Variants in SLC25A48 observed in about 807,000 individuals in gnomAD.
SLC25A48 encodes the protein CTC-321K16.1.
A neutral mutation model predicts 32.2 loss-of-function variants in SLC25A48; 29 were observed. That is an observed-to-expected ratio of 0.90 (90% CI 0.67 to 1.23). SLC25A48 has a LOEUF of 1.23. SLC25A48 is among the 50% of genes most tolerant of loss of function. SLC25A48 has a pLI of 0.00. For synonymous variants in SLC25A48, 164 were observed against 172.3 expected, an observed-to-expected ratio of 0.95 and a Z score of 0.38; for missense variants, 399 against 422.7, an observed-to-expected ratio of 0.94 and a Z score of 0.49.
intron 3 of SLC25A48, among the ~76,000 whole-genome samples, chr5:135,805,875 A>G (rs1018621084): frequency 4.0e-5 from 6 of 151,384 alleles, no homozygotes; most frequent in Non-Finnish European, 7.4e-5. Flanking sequence ...CTGTGTGTAT[A>G]CCCTGTGATA....
rs146305820 is a variant in SLC25A48, at chr5:135,838,390, T to C, written c.46+3497T>C. Among the ~76,000 whole-genome samples, 752 of 152,256 alleles carry C rather than the reference T, an allele frequency of 4.9e-3. 3 individuals carry two copies. The highest frequency in any genetic ancestry group is 0.017 in the African/African-American group (724 of 41,536). On this transcript the variant is annotated intron_variant, in intron 1 of 7. Coordinates refer to ENST00000681962, the MANE Select transcript of SLC25A48 (RefSeq NM_001349336.2). ...GCTTGGAAAATTTGCAGCCTAACAATGCAATAGAAAATAAAAACCCATTAT... is the reference window on the plus strand; with the variant it reads ...GCTTGGAAAATTTGCAGCCTAACAACGCAATAGAAAATAAAAACCCATTAT...
chr5:135,739,533 T>C (rs538668225), intron 3 of SLC25A48, among the ~76,000 whole-genome samples: 155 of 152,326 alleles, frequency 1.0e-3, no homozygotes, highest in African/African-American at 3.6e-3. Flanking sequence ...GACACCTGCC[T>C]GCCTCAAGCA....
intron 1 of SLC25A48, among the ~76,000 whole-genome samples, chr5:135,838,264 A>C (rs1402169614): frequency 2.0e-5 from 3 of 152,270 alleles, no homozygotes; most frequent in Non-Finnish European, 2.9e-5. Context: ...AAAGCATTCA[A>C]GATGTGATTT....
intron 1 of SLC25A48, among the ~76,000 whole-genome samples, chr5:135,611,051 C>A (rs1752052564): frequency 6.6e-6 from 1 of 152,154 alleles, no homozygotes; most frequent in East Asian, 1.9e-4. Context: ...TGTCTGGAAA[C>A]ATTACAGTAA....
intron 3 of SLC25A48, among the ~76,000 whole-genome samples, chr5:135,658,934 C>T (rs560939538): frequency 6.8e-4 from 103 of 152,344 alleles, no homozygotes; most frequent in South Asian, 4.3e-3. Flanking sequence ...GTCTGGCCCA[C>T]AAAACCATTT....
intron 3 of SLC25A48, among the ~76,000 whole-genome samples, chr5:135,707,189 C>G (rs1754535897): frequency 6.6e-6 from 1 of 152,124 alleles, no homozygotes; most frequent in Non-Finnish European, 1.5e-5. Context: ...GGGCATGGCC[C>G]TGTGTTTGGA....
intron 3 of SLC25A48, among the ~76,000 whole-genome samples, chr5:135,734,838 A>AG (rs1755320490): frequency 1.4e-5 from 1 of 72,470 alleles, no homozygotes; most frequent in Non-Finnish European, 3.1e-5. Context: ...AAAAAAAAAG[A>AG]AGAAGAAGAA....
At chr5:135,742,214 G>A (rs1039139708) in intron 3 of SLC25A48, among the ~76,000 whole-genome samples, 2 of 152,094 alleles carry the variant, frequency 1.3e-5, no homozygotes, top group African/African-American at 4.8e-5. Context: ...TGAATAGCTG[G>A]GATTACAGGC....
intron 7 of SLC25A48, 77 bp from the exon 8 acceptor site, chr5:135,887,955 G>A: frequency 1.5e-6 from 2 of 1,344,366 alleles, no homozygotes; most frequent in Non-Finnish European, 1.0e-6. Flanking sequence ...AGAGGAAGGG[G>A]TGGCCTGGTG....
intron 3 of SLC25A48, among the ~76,000 whole-genome samples, chr5:135,775,735 GATA>G (rs1243994910): frequency 6.6e-6 from 1 of 151,574 alleles, no homozygotes; most frequent in Non-Finnish European, 1.5e-5. Flanking sequence ...GGGGGGAAGG[GATA>G]ATATTTCTCC....
chr5:135,744,537 A>G (rs1011944537), intron 3 of SLC25A48, among the ~76,000 whole-genome samples: 2 of 143,464 alleles, frequency 1.4e-5, no homozygotes, highest in African/African-American at 5.0e-5. Context: ...AGGTTTCACC[A>G]TGTTGGCCAG....
At chr5:135,591,184 G>A (rs181391307) in intron 1 of SLC25A48, among the ~76,000 whole-genome samples, 6 of 152,354 alleles carry the variant, frequency 3.9e-5, no homozygotes, top group African/African-American at 1.2e-4. Flanking sequence ...CAAATGCAAA[G>A]CATCGGAGGT....
chr5:135,780,916 C>A (rs1756703188), intron 3 of SLC25A48, among the ~76,000 whole-genome samples: 1 of 115,832 alleles, frequency 8.6e-6, no homozygotes, highest in Non-Finnish European at 2.1e-5. Context: ...AGTGTACATC[C>A]CCCCGTAATA....
chr5:135,623,135 T>C (rs1370989574), intron 1 of SLC25A48, among the ~76,000 whole-genome samples: 1 of 152,230 alleles, frequency 6.6e-6, no homozygotes, highest in Admixed American at 6.5e-5. Flanking sequence ...AGGGGGATGG[T>C]GCATGGACAT....
chr5:135,867,049 C>A (rs1761258026), intron 4 of SLC25A48, among the ~76,000 whole-genome samples: 1 of 152,050 alleles, frequency 6.6e-6, no homozygotes, highest in Non-Finnish European at 1.5e-5. Context: ...TCTAGAGAGG[C>A]AGCAAAAGTT....
chr5:135,792,945 A>T (rs1287103940), intron 3 of SLC25A48, among the ~76,000 whole-genome samples: 1 of 151,414 alleles, frequency 6.6e-6, no homozygotes, highest in South Asian at 2.1e-4. Flanking sequence ...ATTATTCATT[A>T]TGTCACAGTG....
intron 1 of SLC25A48, among the ~76,000 whole-genome samples, chr5:135,625,504 G>T (rs947951403): frequency 3.3e-5 from 5 of 152,156 alleles, no homozygotes; most frequent in African/African-American, 4.8e-5. Context: ...CACTCCCACA[G>T]ACTCTGTGGG....
At chr5:135,641,713 G>C (rs1752841547) in intron 3 of SLC25A48, among the ~76,000 whole-genome samples, 1 of 152,182 alleles carries the variant, frequency 6.6e-6, no homozygotes, top group African/African-American at 2.4e-5. Context: ...ATAAACTCCA[G>C]CGCTGTTTCT....
In SLC25A48 at chr5:135,585,392, A is replaced by G. The variant is rs145387971; in HGVS notation, c.-849+5795A>G. ...AGGGAAGCCCTCCTTGACTGCACAC[A>G]TCTGCCTGACTCCCGTCCTAGCCCC... On this transcript the variant is annotated intron_variant, in intron 1 of 10. Transcript: ENST00000646290. 5.2e-3 allele frequency among the ~76,000 whole-genome samples: 786 copies of G among 152,224 alleles called. 3 individuals are homozygous for G. Among genetic ancestry groups the G allele is most frequent in the Middle Eastern group, 0.02 (6 of 294 alleles).
Sources: gnomAD v4.1 joint callset for allele counts (sites outside exome capture counted in the v4.1 genomes callset) on GRCh38, gnomAD v4.1.1 for gene constraint, MANE v1.5 for transcripts, NCBI Gene and HGNC (gene_info 2026-07-23, HGNC 2026-07-21) for gene names.